The following RBM20 variants were observed in gnomAD, a reference collection of about 807,000 sequenced individuals.
The protein encoded by RBM20 is RNA binding motif protein 20, also known as RNA-binding protein 20.
RBM20 carries 51 observed loss-of-function variants against 110.1 expected under a neutral mutation model. The ratio of observed to expected loss-of-function variants is 0.46; its 90% confidence interval spans 0.37 to 0.59. The LOEUF is 0.59. Among genes scored for constraint, RBM20 ranks in the 20% least tolerant of loss-of-function variants. The pLI is 0.00. For missense variants in RBM20, 1,512 were observed against 1,574.9 expected, an observed-to-expected ratio of 0.96 and a Z score of 0.68; for synonymous variants, 589 against 618.2, an observed-to-expected ratio of 0.95 and a Z score of 0.70.
chr10:110,826,639 G>A (rs139624563), intron 12 of RBM20, among the ~76,000 whole-genome samples: 3,017 of 151,158 alleles, frequency 0.02, 101 homozygotes, highest in African/African-American at 0.07. Context: ...CGGGAGTACA[G>A]TGGCATGATC....
chr10:110,798,169 A>T (rs1358744354), intron 6 of RBM20, among the ~76,000 whole-genome samples: 2 of 152,164 alleles, frequency 1.3e-5, no homozygotes, highest in African/African-American at 4.8e-5. Context: ...AGGAACTAAG[A>T]ATCCTTAACC....
rs886046708 is a variant in RBM20 at position 110,836,050 on chromosome 10, T to C, written c.*72T>C. The C allele has an allele frequency of 2.3e-5, 15 of 654,922 alleles. No homozygotes were observed. The East Asian group carries it at 4.2e-4, about 18-fold the overall frequency. The allele number at this position is 654,922 out of a possible 1,614,324, so 40.6% of individuals were successfully genotyped here. A position where few individuals can be genotyped will look rare whatever the true frequency, so the allele number is the denominator to read the frequency against. On this transcript the variant is annotated 3_prime_UTR_variant, in exon 14 of 14. Transcript: ENST00000369519. ...AGAGCTTGCTGAAGTGGGGCCTTCC[T>C]GATTCTGGGGACAGGACTAAAGCCT...
rs1456943073 is a variant in RBM20 at position 110,739,619 on chromosome 10, G to A, written c.192-41182G>A. Among the ~76,000 whole-genome samples, 1 of 152,218 alleles carries A rather than the reference G, an allele frequency of 6.6e-6. No homozygotes were observed. The highest frequency in any genetic ancestry group is 2.4e-5 in the African/African-American group (1 of 41,450). ...AACTCAACTCGAGGACTGACGTGGTGGTGGAAGGCAGAGTGGCAGGGGAAA... is the reference window on the plus strand; with the variant it reads ...AACTCAACTCGAGGACTGACGTGGTAGTGGAAGGCAGAGTGGCAGGGGAAA... On this transcript the variant is annotated intron_variant, in intron 1 of 13. Transcript: ENST00000369519. The surrounding 1 kb of genome is among the most constrained non-coding windows in gnomAD (Gnocchi z 4.1).
At chr10:110,797,296 A>AATAT (rs368264922) in intron 5 of RBM20, among the ~76,000 whole-genome samples, 6 of 151,400 alleles carry the variant, frequency 4.0e-5, no homozygotes, top group African/African-American at 1.5e-4. Context: ...CGGTCTCAAA[A>AATAT]ATATATATAT....
In RBM20 at chr10:110,781,388, G is replaced by T; in HGVS notation, c.779G>T (p.Ser260Ile). ...CCATCCTCGGCCTCAACCTCGGGCAGTGTGACCTATGAAGGGCACTACAGC... is the reference window on the plus strand; with the variant it reads ...CCATCCTCGGCCTCAACCTCGGGCATTGTGACCTATGAAGGGCACTACAGC... ...FLPSSASTSG[S>I]VTYEGHYSHT... The change falls in exon 2 of 14, where the codon AGT becomes ATT. Residue 260 changes from serine to isoleucine, a missense_variant. By Grantham distance (142) the Ser-to-Ile change is moderately radical. Transcript: ENST00000369519. The T allele has an allele frequency of 6.4e-7, 1 of 1,551,724 alleles. No individual in the cohort carries two copies. The highest frequency in any genetic ancestry group is 1.2e-5 in the South Asian group (1 of 84,070).
chr10:110,752,151 T>C (rs560052169), intron 1 of RBM20, among the ~76,000 whole-genome samples: 5 of 152,318 alleles, frequency 3.3e-5, no homozygotes, highest in African/African-American at 1.2e-4. Flanking sequence ...TATTGCACCA[T>C]ACAGAATAGT....
At chr10:110,695,059 G>T (rs1410197661) in intron 1 of RBM20, among the ~76,000 whole-genome samples, 1 of 152,150 alleles carries the variant, frequency 6.6e-6, no homozygotes, top group East Asian at 1.9e-4. Flanking sequence ...CACTTCAAAG[G>T]ATTCTTAAAA....
intron 1 of RBM20, among the ~76,000 whole-genome samples, chr10:110,774,152 G>A (rs997523531): frequency 3.9e-5 from 6 of 152,292 alleles, no homozygotes; most frequent in African/African-American, 1.4e-4. Context: ...CTATAGACTG[G>A]AAATGGTCAT....
chr10:110,690,555 C>T (rs971119525), intron 1 of RBM20, among the ~76,000 whole-genome samples: 1 of 152,202 alleles, frequency 6.6e-6, no homozygotes, highest in Admixed American at 6.5e-5. Context: ...TGTCCCTCTT[C>T]CCCCAGCTCC....
chr10:110,806,987 C>G (rs1324887512), intron 7 of RBM20, among the ~76,000 whole-genome samples: 1 of 152,212 alleles, frequency 6.6e-6, no homozygotes, highest in African/African-American at 2.4e-5. Flanking sequence ...CAGCTGGCAG[C>G]TGGTCCAGAG....
upstream of RBM20, among the ~76,000 whole-genome samples, chr10:110,643,669 G>A (rs1222145734): frequency 6.6e-6 from 1 of 152,198 alleles, no homozygotes; most frequent in African/African-American, 2.4e-5. Flanking sequence ...AGAAACCCAC[G>A]GTGGCCCCAC....
intron 1 of RBM20, among the ~76,000 whole-genome samples, chr10:110,682,281 G>A (rs574367663): frequency 6.6e-6 from 1 of 152,278 alleles, no homozygotes; most frequent in East Asian, 1.9e-4. Flanking sequence ...TCCAGAATAT[G>A]ACAGTACCTC....
Position 110,836,005 on chromosome 10 carries a change from C to T in RBM20, c.*27C>T, listed in dbSNP as rs770612823. ...GCTTCTGCTTCTGCTGCTACTGCTG[C>T]TGCTGCAAGGTTGGAAAGGAGAGCT... On this transcript the variant is annotated 3_prime_UTR_variant, in exon 14 of 14. Coordinates refer to ENST00000369519, the MANE Select transcript of RBM20 (RefSeq NM_001134363.3). 13 of 898,096 alleles carry T rather than the reference C, an allele frequency of 1.4e-5. No individual in the cohort carries two copies. In the South Asian group the frequency reaches 1.9e-4, roughly 13 times the overall value. 55.6% of individuals were successfully genotyped at this position (898,096 alleles called of 1,614,324 possible).
At chr10:110,831,694 C>G (rs920287047) in intron 13 of RBM20, among the ~76,000 whole-genome samples, 1 of 112,412 alleles carries the variant, frequency 8.9e-6, no homozygotes, top group East Asian at 3.6e-4. Context: ...AAAAAAAACA[C>G]TGCTTTGTTC....
intron 1 of RBM20, among the ~76,000 whole-genome samples, chr10:110,743,438 G>A (rs1013816469): frequency 5.3e-5 from 8 of 152,188 alleles, no homozygotes; most frequent in South Asian, 2.1e-4. Context: ...GTGATAAATA[G>A]TTACACTTTT....
chr10:110,707,176 G>A (rs972530916), intron 1 of RBM20, among the ~76,000 whole-genome samples: 3 of 152,156 alleles, frequency 2.0e-5, no homozygotes, highest in Admixed American at 6.5e-5. Context: ...ATATTGGGAA[G>A]GAAGCTCATA....
intron 1 of RBM20, among the ~76,000 whole-genome samples, chr10:110,723,110 T>TAA (rs575216610): frequency 2.3e-5 from 3 of 128,118 alleles, no homozygotes; most frequent in African/African-American, 5.8e-5. Flanking sequence ...AGACTCCATC[T>TAA]AAAAAAAAAA....
intron 1 of RBM20, among the ~76,000 whole-genome samples, chr10:110,761,963 T>C (rs1372619055): frequency 6.6e-6 from 1 of 152,180 alleles, no homozygotes; most frequent in Non-Finnish European, 1.5e-5. Context: ...TCCCAACACT[T>C]TGGGAGGTCG....
At chr10:110,644,299 A>G, upstream of RBM20, 2 of 490,956 alleles carry the variant, frequency 4.1e-6, no homozygotes, top group South Asian at 9.4e-5. The surrounding 1 kb of genome is among the most constrained non-coding windows in gnomAD (Gnocchi z 4.3). Context: ...CGGCGCCGCC[A>G]GGACTGCCTC....
Sources: gnomAD v4.1 joint callset for allele counts (sites outside exome capture counted in the v4.1 genomes callset) on GRCh38, gnomAD v4.1.1 for gene constraint, Gnocchi (gnomAD v3.1) non-coding constraint, MANE v1.5 for transcripts, NCBI Gene and HGNC (gene_info 2026-07-23, HGNC 2026-07-21) for gene names.